DCHS2: variants seen among roughly 807,000 people sequenced by gnomAD.
DCHS2 encodes the protein dachsous cadherin-related 2.
DCHS2 carries 142 observed loss-of-function variants against 182.4 expected under a neutral mutation model. The observed-to-expected ratio is 0.78, with a 90% CI of 0.68 to 0.89. The LOEUF is 0.89. Ranked by LOEUF, DCHS2 falls within the 40% of genes least tolerant of loss-of-function variation. DCHS2 has a pLI of 0.00. For missense variants in DCHS2, 4,319 were observed against 4,198.6 expected (o/e 1.03, Z -0.79); for synonymous variants, 1,740 against 1,663.3 (o/e 1.05, Z -1.12).
chr4:154,249,934 A>G (rs1732270634), intron 16 of DCHS2, among the ~76,000 whole-genome samples: 1 of 152,138 alleles, frequency 6.6e-6, no homozygotes. Flanking sequence ...AAACTACCTG[A>G]GTACTGTGCT....
At chr4:154,321,384 C>T (rs1484068444) in intron 8 of DCHS2, among the ~76,000 whole-genome samples, 162 bp from the exon 9 acceptor site, 1 of 152,002 alleles carries the variant, frequency 6.6e-6, no homozygotes, top group Non-Finnish European at 1.5e-5. Context: ...TCCAGTATGT[C>T]TCAGAAGATC....
At chr4:154,297,419 CT>C (rs560419407) in intron 13 of DCHS2, among the ~76,000 whole-genome samples, 16 of 152,230 alleles carry the variant, frequency 1.1e-4, no homozygotes, top group African/African-American at 3.1e-4. Context: ...TATCTATAGG[CT>C]TTTTTATGTG....
At chr4:154,420,632 T>C (rs1273950018) in intron 1 of DCHS2, among the ~76,000 whole-genome samples, 3 of 152,148 alleles carry the variant, frequency 2.0e-5, no homozygotes, top group Non-Finnish European at 4.4e-5. Flanking sequence ...AATTCACCTT[T>C]CTTCTGCTTT....
chr4:154,342,364 GAC>G (rs1326451431), intron 3 of DCHS2, among the ~76,000 whole-genome samples: 1 of 152,132 alleles, frequency 6.6e-6, no homozygotes, highest in Non-Finnish European at 1.5e-5. Flanking sequence ...CTTAAAATAA[GAC>G]AACAAGGAAG....
chr4:154,380,027 G>A (rs1169801960), intron 1 of DCHS2, among the ~76,000 whole-genome samples: 1 of 152,066 alleles, frequency 6.6e-6, no homozygotes, highest in Non-Finnish European at 1.5e-5. Flanking sequence ...GAGAGATACT[G>A]CTGCAATGTA....
chr4:154,238,744 A>T (rs534274622), intron 19 of DCHS2, among the ~76,000 whole-genome samples: 1 of 152,152 alleles, frequency 6.6e-6, no homozygotes, highest in South Asian at 2.1e-4. Flanking sequence ...GCTATTACTG[A>T]TTTTTTTTAA....
chr4:154,251,071 C>T (rs934236161), intron 16 of DCHS2, among the ~76,000 whole-genome samples: 4 of 152,154 alleles, frequency 2.6e-5, no homozygotes, highest in African/African-American at 9.7e-5. Flanking sequence ...ATTCCAATCC[C>T]AGCTTTGCTT....
At chr4:154,454,194 T>C (rs996827699) in intron 1 of DCHS2, among the ~76,000 whole-genome samples, 3 of 152,114 alleles carry the variant, frequency 2.0e-5, no homozygotes, top group South Asian at 4.2e-4. Flanking sequence ...CATAACATGC[T>C]CAGGCCTTTC....
chr4:154,251,337 T>C (rs886598267), intron 16 of DCHS2, among the ~76,000 whole-genome samples: 2 of 152,232 alleles, frequency 1.3e-5, no homozygotes, highest in Admixed American at 1.3e-4. Flanking sequence ...TGTTCTACCA[T>C]GTACTAGCTT....
intron 7 of DCHS2, among the ~76,000 whole-genome samples, chr4:154,326,273 C>T (rs1384445863): frequency 6.6e-6 from 1 of 152,062 alleles, no homozygotes; most frequent in Non-Finnish European, 1.5e-5. Flanking sequence ...CATTCTTTGT[C>T]CAATTTTATT....
chr4:154,489,680 A>G lies in DCHS2; in HGVS notation c.1676T>C (p.Met559Thr). ...GTCGGCATCGGAGGCGCTGACCCACATGACTACAGTGCCAGGGGCCGCGGC... is the reference window on the plus strand; with the variant it reads ...GTCGGCATCGGAGGCGCTGACCCACGTGACTACAGTGCCAGGGGCCGCGGC... ...SEAAAPGTVV[M>T]WVSASDADEA... Residue 559 changes from methionine to threonine, a missense_variant, in exon 1 of 20, where the codon ATG becomes ACG. Transcript: ENST00000357232. The G allele has an allele frequency of 1.3e-6, 2 of 1,551,642 alleles. No individual in the cohort carries two copies. Among genetic ancestry groups the G allele is most frequent in the Non-Finnish European group, 1.7e-6 (2 of 1,146,950 alleles).
In DCHS2 at chr4:154,269,974, G is replaced by A; in HGVS notation, c.6503C>T (p.Ser2168Leu). 1.2e-6 allele frequency: 2 copies of A among 1,611,948 alleles called. No individual in the cohort carries two copies. The highest frequency in any genetic ancestry group is 1.7e-6 in the Non-Finnish European group (2 of 1,179,026). ...TGAATATTTCATGCTGTCCTGAATTGAGTCAGGAGCAAAAGCTTTAACAGT... is the reference window on the plus strand; with the variant it reads ...TGAATATTTCATGCTGTCCTGAATTAAGTCAGGAGCAAAAGCTTTAACAGT... ...IVTVKAFAPD[S>L]IQDSMKYSIF... The change falls in exon 14 of 20, where the codon TCA becomes TTA. Residue 2168 changes from serine to leucine, a missense_variant. Ser to Leu is a moderately radical substitution (Grantham distance 145). Transcript: ENST00000357232.
At chr4:154,352,654 C>T (rs1172777536) in intron 3 of DCHS2, 1 of 152,192 alleles carries the variant, frequency 6.6e-6, no homozygotes. Context: ...GACTAACCTT[C>T]CTCCTGAAAG....
At chr4:154,296,046 G>A (rs1734911433) in intron 13 of DCHS2, among the ~76,000 whole-genome samples, 1 of 151,990 alleles carries the variant, frequency 6.6e-6, no homozygotes. Flanking sequence ...TTTAATCGGG[G>A]TATCAATATC....
intron 16 of DCHS2, among the ~76,000 whole-genome samples, chr4:154,250,983 CCAAA>C (rs562943812): frequency 1.9e-4 from 29 of 152,336 alleles, no homozygotes; most frequent in African/African-American, 6.3e-4. Context: ...TCCAAACATA[CCAAA>C]CACTTTCACG....
intron 1 of DCHS2, among the ~76,000 whole-genome samples, chr4:154,401,299 T>C (rs116224857): frequency 1.2e-3 from 181 of 152,314 alleles, no homozygotes; most frequent in African/African-American, 4.2e-3. Flanking sequence ...TTATTTCCAT[T>C]TTGGAGTGAC....
chr4:154,462,181 C>T (rs1457162151), intron 1 of DCHS2, among the ~76,000 whole-genome samples: 2 of 152,106 alleles, frequency 1.3e-5, no homozygotes, highest in Non-Finnish European at 2.9e-5. Flanking sequence ...TGCTCTTTGT[C>T]TCAAGTTACA....
chr4:154,251,884 A>G (rs1344613349), intron 16 of DCHS2, among the ~76,000 whole-genome samples: 1 of 152,180 alleles, frequency 6.6e-6, no homozygotes, highest in Non-Finnish European at 1.5e-5. Context: ...CCCCAGCTTC[A>G]TGCTTGATAA....
At chr4:154,393,938 C>A (rs889432702) in intron 1 of DCHS2, among the ~76,000 whole-genome samples, 12 of 152,012 alleles carry the variant, frequency 7.9e-5, no homozygotes, top group Non-Finnish European at 1.2e-4. Flanking sequence ...TGGGATAATT[C>A]CTCAGTCTCA....
Sources: allele counts gnomAD v4.1 joint callset (sites outside exome capture counted in the v4.1 genomes callset), GRCh38; gene constraint gnomAD v4.1.1; transcripts MANE v1.5; gene names NCBI Gene and HGNC (gene_info 2026-07-23, HGNC 2026-07-21).